Variants in LMO7 observed in about 807,000 individuals in gnomAD.
The protein encoded by LMO7 is LIM domain only protein 7.
In LMO7, 120 loss-of-function variants were observed where a neutral mutation model predicts 206.5. That is an observed-to-expected ratio of 0.58 (90% CI 0.50 to 0.68). The LOEUF (loss-of-function observed/expected upper bound fraction) is 0.68, where lower values mean the gene tolerates loss of function less well. LMO7 is among the 30% of genes least tolerant of loss of function. The pLI, the probability that LMO7 is intolerant of heterozygous loss-of-function variation, is 0.00. For synonymous variants in LMO7, 706 were observed against 681.5 expected (o/e 1.04, Z -0.56); for missense variants, 1,959 against 1,957.9 (o/e 1.00, Z -0.01).
intron 2 of LMO7, among the ~76,000 whole-genome samples, chr13:75,626,576 A>ATATTTTTTTTTTTTT: frequency 1.6e-5 from 1 of 64,400 alleles, no homozygotes; most frequent in Non-Finnish European, 3.5e-5. Context: ...TAACATATAT[A>ATATTTTTTTTTTTTT]TTATATATAT....
intron 4 of LMO7, among the ~76,000 whole-genome samples, chr13:75,776,186 T>TAGG (rs2050442311): frequency 1.4e-5 from 1 of 72,600 alleles, no homozygotes; most frequent in Non-Finnish European, 3.1e-5. Context: ...TATATATATA[T>TAGG]ATATATATAT....
chr13:75,761,509 C>T (rs569388285), intron 4 of LMO7, among the ~76,000 whole-genome samples: 1 of 152,226 alleles, frequency 6.6e-6, no homozygotes, highest in African/African-American at 2.4e-5. Flanking sequence ...CTGGGACCAA[C>T]ATGTAATGCC....
chr13:75,776,170 T>TGCC lies in LMO7; in HGVS notation c.317+15132_317+15133insGCC, dbSNP rs1594891859. Among the ~76,000 whole-genome samples the TGCC allele has an allele frequency of 7.1e-5, 3 of 42,486 alleles. No individual in the cohort carries two copies. The East Asian group carries it at 2.4e-3, about 35-fold the overall frequency. The allele number at this position is 42,486 out of a possible 152,430, so 27.9% of individuals were successfully genotyped here. ...GCCATGTATATATATCGGATATATA[T>TGCC]ATATATATATATATATATATATATA... is the stretch of plus-strand genomic sequence containing the variant. On this transcript the variant is annotated intron_variant, in intron 4 of 30. Transcript: ENST00000377534.
rs199953467 is a variant in LMO7, at chr13:75,713,177, T to C, written c.70-5T>C. On this transcript the variant is annotated splice_polypyrimidine_tract_variant and splice_region_variant and intron_variant, in intron 1 of 30. Transcript: ENST00000377534. ...AGAAAATTAACAACCAAACCTATCTTTCAGGCAGTAACAGAGAAGAATTTT... is the reference window on the plus strand; with the variant it reads ...AGAAAATTAACAACCAAACCTATCTCTCAGGCAGTAACAGAGAAGAATTTT... 1.6e-4 allele frequency: 255 copies of C among 1,611,098 alleles called. No homozygotes were observed. Among genetic ancestry groups the C allele is most frequent in the Non-Finnish European group, 1.8e-5 (21 of 1,178,250 alleles).
chr13:75,810,708 T>TA (rs2056259660), intron 11 of LMO7, among the ~76,000 whole-genome samples: 1 of 152,238 alleles, frequency 6.6e-6, no homozygotes, highest in Non-Finnish European at 1.5e-5. Flanking sequence ...CTCTCAGAAA[T>TA]AGTTGCTTTT....
intron 4 of LMO7, among the ~76,000 whole-genome samples, chr13:75,776,112 T>TATAC (rs1491138251): frequency 1.3e-5 from 1 of 77,272 alleles, no homozygotes; most frequent in African/African-American, 4.0e-5. Context: ...TATATATATA[T>TATAC]ACATACATAC....
chr13:75,781,828 G>A (rs989401817), intron 4 of LMO7, among the ~76,000 whole-genome samples: 2 of 152,218 alleles, frequency 1.3e-5, no homozygotes, highest in African/African-American at 2.4e-5. Context: ...TCTAACTGGT[G>A]TGAGATGGTA....
At chr13:75,639,152 A>G (rs1181697855) in intron 1 of LMO7, among the ~76,000 whole-genome samples, 4 of 152,110 alleles carry the variant, frequency 2.6e-5, no homozygotes, top group African/African-American at 7.2e-5. Flanking sequence ...TCCATTTTCT[A>G]TCTGTGATTT....
chr13:75,794,633 G>A (rs1052201757), intron 4 of LMO7, among the ~76,000 whole-genome samples: 2 of 152,216 alleles, frequency 1.3e-5, no homozygotes, highest in East Asian at 1.9e-4. Context: ...AATTCACACC[G>A]ATCCTGCTTA....
rs2035860406 is a variant in LMO7 at position 75,636,430 on chromosome 13, T to G, written c.-228T>G. 3 of 1,369,888 alleles carry G rather than the reference T, an allele frequency of 2.2e-6. No homozygotes were observed. Among genetic ancestry groups the G allele is most frequent in the Non-Finnish European group, 2.8e-6 (3 of 1,063,848 alleles). 84.9% of individuals were successfully genotyped at this position (1,369,888 alleles called of 1,614,324 possible). A position where few individuals can be genotyped will look rare whatever the true frequency, so the allele number is the denominator to read the frequency against. ...GGGTCCCCGCGGGCCTTGGGTCGCT[T>G]TCAGGAGTTTAGAGAAAGCCAGGTC... On this transcript the variant is annotated 5_prime_UTR_variant, in exon 1 of 31. Coordinates refer to ENST00000377534, the MANE Select transcript of LMO7 (RefSeq NM_001306080.2).
chr13:75,821,017 T>C (rs1317051014), intron 13 of LMO7, among the ~76,000 whole-genome samples, 160 bp from the exon 14 acceptor site: 5 of 150,202 alleles, frequency 3.3e-5, no homozygotes, highest in African/African-American at 1.2e-4. Context: ...AAAAAAAAGA[T>C]AATTGTATAC....
At position 75,735,029 on chromosome 13, in the gene LMO7, T is replaced by C. The variant is rs183274920; in HGVS notation, c.210+7931T>C. Among the ~76,000 whole-genome samples the C allele has an allele frequency of 1.0e-3, 148 of 148,048 alleles. 3 individuals carry two copies. The East Asian group carries it at 0.019, about 19-fold the overall frequency. ...AGGAGAATGGTGTGAACCCAGGAGG[T>C]GGAGCTTGCAGTTAGCCGAGATCAC... On this transcript the variant is annotated intron_variant, in intron 3 of 30. Coordinates refer to ENST00000377534, the MANE Select transcript of LMO7 (RefSeq NM_001306080.2).
In LMO7 at chr13:75,805,743, A is replaced by G. The variant is rs1394272850; in HGVS notation, c.1179A>G (p.Lys393=). 6.2e-7 allele frequency: 1 copy of G among 1,613,782 alleles called. No individual in the cohort carries two copies. Among genetic ancestry groups the G allele is most frequent in the African/African-American group, 1.3e-5 (1 of 75,008 alleles). ...GGGAAACTTATAAGCCATGGTATAA[A>G]GAATTTCAGGGATTCAGGTTTGTCG... The part of the protein sequence containing the change: ...IKRETYKPWY[K]EFQGFSQFLL... The change falls in exon 9 of 31, where the codon AAA becomes AAG. Residue 393 remains lysine, a synonymous_variant. Transcript: ENST00000377534.
chr13:75,810,992 G>A (rs1050317733), intron 11 of LMO7, among the ~76,000 whole-genome samples: 3 of 152,146 alleles, frequency 2.0e-5, no homozygotes, highest in Non-Finnish European at 4.4e-5. Context: ...CAATGCCAAG[G>A]TAACTACACA....
chr13:75,756,468 G>A (rs1432943863), intron 3 of LMO7, among the ~76,000 whole-genome samples: 1 of 152,200 alleles, frequency 6.6e-6, no homozygotes. Flanking sequence ...TCAGTGAAAA[G>A]CAAAGATGAC....
In LMO7 at chr13:75,853,334, C is replaced by G. The variant is rs778777383; in HGVS notation, c.4607C>G (p.Thr1536Ser). The G allele has an allele frequency of 1.9e-6, 3 of 1,613,302 alleles. No individual in the cohort carries two copies. Among genetic ancestry groups the G allele is most frequent in the Non-Finnish European group, 2.5e-6 (3 of 1,179,656 alleles). The change falls in exon 28 of 31, where the codon ACC becomes AGC. Residue 1536 changes from threonine (T) to serine (S), a missense_variant. Physicochemically the swap from Thr to Ser is moderately conservative, Grantham distance 58. Coordinates refer to ENST00000377534, the MANE Select transcript of LMO7 (RefSeq NM_001306080.2). ...GGTGTGGCCACCACACAGTCCCCCA[C>G]CCCGAGAAGCCATTCCCCTTCAGCT... Reference protein sequence around the residue: ...TTGVATTQSPTPRSHSPSASQ... With the variant: ...TTGVATTQSPSPRSHSPSASQ...
At chr13:75,656,184 C>T (rs1036057049) in intron 1 of LMO7, among the ~76,000 whole-genome samples, 2 of 152,182 alleles carry the variant, frequency 1.3e-5, no homozygotes, top group African/African-American at 2.4e-5. Flanking sequence ...CTTCGTCTTC[C>T]AGTTCTCCCA....
intron 13 of LMO7, 72 bp downstream of exon 13, chr13:75,819,607 A>G: frequency 7.3e-7 from 1 of 1,373,910 alleles, no homozygotes. Context: ...TATTTTATGT[A>G]AGTGTAGTGT....
rs188931600 is a variant in LMO7 at position 75,743,667 on chromosome 13, G to A, written c.210+16569G>A. 7.2e-5 allele frequency among the ~76,000 whole-genome samples: 11 copies of A among 152,250 alleles called. No individual in the cohort carries two copies. The East Asian group carries it at 2.1e-3, about 29-fold the overall frequency. On this transcript the variant is annotated intron_variant, in intron 3 of 30. Transcript: ENST00000377534. Reference sequence around the variant, plus strand: ...TAAATGATGAGAACACGTGGACACAGAGGAGAACAACAGGCACTGAGGCCT... The same window carrying A: ...TAAATGATGAGAACACGTGGACACAAAGGAGAACAACAGGCACTGAGGCCT...
Sources: gnomAD v4.1 joint callset for allele counts (sites outside exome capture counted in the v4.1 genomes callset) on GRCh38, gnomAD v4.1.1 for gene constraint, MANE v1.5 for transcripts, NCBI Gene and HGNC (gene_info 2026-07-23, HGNC 2026-07-21) for gene names.